TAFA4: variants seen among roughly 807,000 people sequenced by gnomAD.
The protein encoded by TAFA4 is TAFA chemokine like family member 4.
In TAFA4, 20 loss-of-function variants were observed where a neutral mutation model predicts 21.1. That is an observed-to-expected ratio of 0.95 (90% CI 0.67 to 1.38). TAFA4 has a LOEUF of 1.38. Ranked by LOEUF, TAFA4 falls within the 40% of genes most tolerant of loss-of-function variation. The pLI, the probability that TAFA4 is intolerant of heterozygous loss-of-function variation, is 0.00. For synonymous variants in TAFA4, 71 were observed against 67.4 expected, an observed-to-expected ratio of 1.05 and a Z score of -0.26; for missense variants, 211 against 180.9, an observed-to-expected ratio of 1.17 and a Z score of -0.95.
chr3:68,786,489 C>G (rs1034555159), intron 3 of TAFA4, among the ~76,000 whole-genome samples: 1 of 152,108 alleles, frequency 6.6e-6, no homozygotes, highest in African/African-American at 2.4e-5. Flanking sequence ...AGACTCCACC[C>G]CTTCAAAGAA....
intron 3 of TAFA4, among the ~76,000 whole-genome samples, chr3:68,771,258 G>C (rs1347445511): frequency 6.6e-6 from 1 of 152,222 alleles, no homozygotes; most frequent in Non-Finnish European, 1.5e-5. Flanking sequence ...CTGTCCTTGT[G>C]ATAAGGCAGA....
At chr3:68,818,230 C>T (rs1257698404) in intron 3 of TAFA4, among the ~76,000 whole-genome samples, 2 of 152,202 alleles carry the variant, frequency 1.3e-5, no homozygotes, top group Non-Finnish European at 2.9e-5. Flanking sequence ...CTTCCAACTT[C>T]TCTTCTGGAG....
At chr3:68,887,767 T>C (rs2089687776) in intron 1 of TAFA4, among the ~76,000 whole-genome samples, 1 of 152,048 alleles carries the variant, frequency 6.6e-6, no homozygotes, top group South Asian at 2.1e-4. Context: ...AATGCTGAGG[T>C]CCCACAGGTA....
rs1702169950 is a variant in TAFA4, at chr3:68,732,620, C to T, written c.*522G>A. ...CTTCAAGGGTTATAAAATAAACGTTCTTTACCAGTTAATCAGTTGATCTCT... is the reference window on the plus strand; with the variant it reads ...CTTCAAGGGTTATAAAATAAACGTTTTTTACCAGTTAATCAGTTGATCTCT... On this transcript the variant is annotated 3_prime_UTR_variant, in exon 6 of 6. Transcript: ENST00000295569. 6.5e-6 allele frequency: 1 copy of T among 152,928 alleles called. No homozygotes were observed. The highest frequency in any genetic ancestry group is 1.5e-5 in the Non-Finnish European group (1 of 68,322). The allele number at this position is 152,928 out of a possible 1,614,324, so 9.5% of individuals were successfully genotyped here. A position where few individuals can be genotyped will look rare whatever the true frequency, so the allele number is the denominator to read the frequency against.
intron 3 of TAFA4, among the ~76,000 whole-genome samples, chr3:68,853,230 G>GT (rs1553647814): frequency 6.6e-6 from 1 of 151,392 alleles, no homozygotes; most frequent in African/African-American, 2.4e-5. Context: ...TAGAGTTAAG[G>GT]AAAAAAAACT....
At chr3:68,741,382 T>C (rs1162990233) in intron 4 of TAFA4, among the ~76,000 whole-genome samples, 1 of 152,230 alleles carries the variant, frequency 6.6e-6, no homozygotes, top group Admixed American at 6.5e-5. Context: ...GATGCTATTA[T>C]AAAAATAGGA....
At chr3:68,861,278 T>C (rs1361744250) in intron 3 of TAFA4, among the ~76,000 whole-genome samples, 2 of 151,962 alleles carry the variant, frequency 1.3e-5, no homozygotes, top group African/African-American at 4.8e-5. Flanking sequence ...GCAATTGGAA[T>C]CTTAGTACAT....
intron 1 of TAFA4, among the ~76,000 whole-genome samples, chr3:68,891,221 A>G (rs540088875): frequency 1.3e-5 from 2 of 152,336 alleles, no homozygotes; most frequent in African/African-American, 4.8e-5. Flanking sequence ...AAACATTAAA[A>G]ATGGATTTTT....
intron 4 of TAFA4, among the ~76,000 whole-genome samples, chr3:68,740,374 T>A (rs1299662503): frequency 3.9e-5 from 6 of 152,222 alleles, no homozygotes; most frequent in Non-Finnish European, 8.8e-5. Context: ...CATCTCTCCA[T>A]GCCATTCTAG....
intron 3 of TAFA4, among the ~76,000 whole-genome samples, chr3:68,828,040 T>C (rs374734537): frequency 1.3e-5 from 2 of 152,234 alleles, no homozygotes; most frequent in Non-Finnish European, 2.9e-5. Context: ...CTTTAATCCA[T>C]CTTGAGTTAA....
intron 1 of TAFA4, among the ~76,000 whole-genome samples, chr3:68,908,434 T>C (rs532559876): frequency 3.9e-5 from 6 of 151,904 alleles, no homozygotes; most frequent in African/African-American, 1.4e-4. Context: ...ACAACTCAGA[T>C]GGCGATATTG....
chr3:68,769,022 C>T (rs1702905221), intron 3 of TAFA4, among the ~76,000 whole-genome samples: 1 of 152,138 alleles, frequency 6.6e-6, no homozygotes. Flanking sequence ...TGTTCCATTG[C>T]AGGGGTCCCC....
intron 1 of TAFA4, chr3:68,913,596 A>C (rs1036012914): frequency 6.6e-6 from 1 of 152,230 alleles, no homozygotes; most frequent in African/African-American, 2.4e-5. Flanking sequence ...TTCAAGCTGG[A>C]CCACCTGGGT....
intron 1 of TAFA4, among the ~76,000 whole-genome samples, chr3:68,889,871 G>C (rs1435158452): frequency 6.6e-6 from 1 of 152,028 alleles, no homozygotes; most frequent in African/African-American, 2.4e-5. Context: ...TTGGATCTTG[G>C]ACCAGGAAAA....
chr3:68,772,391 A>T (rs1320346939), intron 3 of TAFA4, among the ~76,000 whole-genome samples: 1 of 152,186 alleles, frequency 6.6e-6, no homozygotes, highest in Non-Finnish European at 1.5e-5. Context: ...TGAGTAGGGA[A>T]GAGCCATCAT....
chr3:68,858,169 C>G (rs531022830), intron 3 of TAFA4, among the ~76,000 whole-genome samples: 91 of 152,208 alleles, frequency 6.0e-4, no homozygotes, highest in Non-Finnish European at 1.1e-3. Flanking sequence ...CACCTTTTGG[C>G]TAAGATCAAG....
At chr3:68,827,980 T>G (rs189808866) in intron 3 of TAFA4, among the ~76,000 whole-genome samples, 1 of 152,282 alleles carries the variant, frequency 6.6e-6, no homozygotes, top group Non-Finnish European at 1.5e-5. Flanking sequence ...GAATGGTATT[T>G]CCTAGGTTTT....
At chr3:68,885,764 A>G (rs775954043) in intron 1 of TAFA4, among the ~76,000 whole-genome samples, 1 of 152,218 alleles carries the variant, frequency 6.6e-6, no homozygotes, top group Admixed American at 6.5e-5. Flanking sequence ...AAGCCTGAAG[A>G]TGATGCTAGA....
At chr3:68,809,544 T>C (rs1220021681) in intron 3 of TAFA4, among the ~76,000 whole-genome samples, 1 of 130,728 alleles carries the variant, frequency 7.6e-6, no homozygotes, top group Admixed American at 8.0e-5. Flanking sequence ...TTTTTTGCCG[T>C]GCAGAAGTTC....
Sources: allele counts gnomAD v4.1 joint callset (sites outside exome capture counted in the v4.1 genomes callset), GRCh38; gene constraint gnomAD v4.1.1; transcripts MANE v1.5; gene names NCBI Gene and HGNC (gene_info 2026-07-23, HGNC 2026-07-21).